The following ILRUN variants were observed in gnomAD, a reference collection of about 807,000 sequenced individuals.
ILRUN encodes the protein protein ILRUN.
A neutral mutation model predicts 33.8 loss-of-function variants in ILRUN; 3 were observed. That is an observed-to-expected ratio of 0.09 (90% CI 0.04 to 0.23). The LOEUF (loss-of-function observed/expected upper bound fraction) is 0.23, where lower values mean the gene tolerates loss of function less well. Among genes scored for constraint, ILRUN ranks in the 10% least tolerant of loss-of-function variants. The pLI, the probability that ILRUN is intolerant of heterozygous loss-of-function variation, is 1.00. For missense variants in ILRUN, 210 were observed against 375.1 expected (o/e 0.56, Z 3.64); for synonymous variants, 124 against 138.9 (o/e 0.89, Z 0.75).
At chr6:34,659,018 A>G (rs984878158) in intron 1 of ILRUN, among the ~76,000 whole-genome samples, 2 of 152,258 alleles carry the variant, frequency 1.3e-5, no homozygotes, top group Non-Finnish European at 2.9e-5. Context: ...ATATTTAATG[A>G]ACGAGCATTT....
chr6:34,659,125 C>T (rs934657314), intron 1 of ILRUN, among the ~76,000 whole-genome samples: 3 of 152,172 alleles, frequency 2.0e-5, no homozygotes, highest in Admixed American at 2.0e-4. Context: ...CTATAGCTAA[C>T]CAGGGACATT....
chr6:34,668,833 C>T (rs1332173578), intron 1 of ILRUN, among the ~76,000 whole-genome samples: 2 of 150,116 alleles, frequency 1.3e-5, no homozygotes, highest in East Asian at 2.0e-4. Context: ...AAAATTAATG[C>T]CTGGCTAATT....
intron 1 of ILRUN, among the ~76,000 whole-genome samples, chr6:34,658,968 C>T (rs772373649): frequency 6.6e-6 from 1 of 152,186 alleles, no homozygotes; most frequent in Non-Finnish European, 1.5e-5. Context: ...GCAGAGGCAA[C>T]GTATGCAAAT....
At chr6:34,645,968 A>G (rs1762555374) in intron 3 of ILRUN, among the ~76,000 whole-genome samples, 1 of 152,228 alleles carries the variant, frequency 6.6e-6, no homozygotes, top group Non-Finnish European at 1.5e-5. Flanking sequence ...TACCTATTTC[A>G]AAAAACTTGT....
At chr6:34,650,081 CAG>C (rs1229689515) in intron 2 of ILRUN, among the ~76,000 whole-genome samples, 1 of 147,018 alleles carries the variant, frequency 6.8e-6, no homozygotes, top group Non-Finnish European at 1.5e-5. Flanking sequence ...TCACCAAAGT[CAG>C]AGAAACACTA....
In ILRUN at chr6:34,606,808, T is replaced by C. The variant is rs1761643827; in HGVS notation, c.608A>G (p.His203Arg). Residue 203 changes from histidine to arginine, a missense_variant, in exon 4 of 5, where the codon CAT (histidine) becomes CGT (arginine). His to Arg is a conservative substitution (Grantham distance 29). Transcript: ENST00000374023. ...GTTGAAGTTTCCTTCTACCTTACGA[T>C]GCGGCTGTGTGTTGAACTCCGTTTC... The part of the protein sequence containing the change: ...SFETEFNTQP[H>R]RKVEGNFNPF... 8 of 1,614,066 alleles carry C rather than the reference T, an allele frequency of 5.0e-6. No homozygotes were observed. The highest frequency in any genetic ancestry group is 2.7e-5 in the African/African-American group (2 of 74,924).
At chr6:34,602,730 A>T (rs980079527) in intron 4 of ILRUN, among the ~76,000 whole-genome samples, 17 of 152,226 alleles carry the variant, frequency 1.1e-4, no homozygotes, top group African/African-American at 3.9e-4. Flanking sequence ...AAAAGCAGGG[A>T]GCCAGATTTA....
chr6:34,630,589 G>A (rs1308979691), intron 3 of ILRUN, among the ~76,000 whole-genome samples: 1 of 152,086 alleles, frequency 6.6e-6, no homozygotes, highest in East Asian at 1.9e-4. Flanking sequence ...GCACCATGTT[G>A]GCCAGGATGG....
At chr6:34,681,864 T>C (rs1763364390) in intron 1 of ILRUN, among the ~76,000 whole-genome samples, 1 of 116,308 alleles carries the variant, frequency 8.6e-6, no homozygotes, top group Non-Finnish European at 1.7e-5. Flanking sequence ...TTTTTTTTTT[T>C]TTTTTTGAGA....
intron 1 of ILRUN, among the ~76,000 whole-genome samples, chr6:34,683,409 T>C (rs1048252771): frequency 1.0e-5 from 1 of 99,658 alleles, no homozygotes; most frequent in Non-Finnish European, 1.7e-5. Context: ...CATATATACA[T>C]ATATATATAC....
At chr6:34,602,874 C>T (rs547903072) in intron 4 of ILRUN, among the ~76,000 whole-genome samples, 42 of 152,306 alleles carry the variant, frequency 2.8e-4, no homozygotes, top group Middle Eastern at 6.8e-3. Flanking sequence ...GCACTGAGTT[C>T]AGGGAGCTTA....
intron 1 of ILRUN, among the ~76,000 whole-genome samples, chr6:34,663,515 A>G (rs1762933448): frequency 6.6e-6 from 1 of 152,196 alleles, no homozygotes; most frequent in African/African-American, 2.4e-5. Flanking sequence ...TTAAACTTAA[A>G]AAAAAGAGAG....
chr6:34,655,000 C>A (rs1762741202), intron 1 of ILRUN, among the ~76,000 whole-genome samples: 1 of 152,116 alleles, frequency 6.6e-6, no homozygotes, highest in Non-Finnish European at 1.5e-5. Context: ...AAGTAACAAA[C>A]ATTAGTACCA....
intron 4 of ILRUN, among the ~76,000 whole-genome samples, chr6:34,598,028 T>G (rs1449097985): frequency 6.6e-6 from 1 of 152,240 alleles, no homozygotes; most frequent in Non-Finnish European, 1.5e-5. Flanking sequence ...TCATCTTTAC[T>G]GGCTCTTATT....
intron 4 of ILRUN, among the ~76,000 whole-genome samples, chr6:34,596,339 C>A (rs558854202): frequency 6.6e-6 from 1 of 152,280 alleles, no homozygotes; most frequent in South Asian, 2.1e-4. Flanking sequence ...CTCATTGCAA[C>A]CTCCACCTCC....
intron 4 of ILRUN, among the ~76,000 whole-genome samples, chr6:34,598,445 T>C (rs183956163): frequency 6.6e-6 from 1 of 152,342 alleles, no homozygotes; most frequent in African/African-American, 2.4e-5. Context: ...TTATACTTTA[T>C]CTGTTTGAAC....
At position 34,682,263 on chromosome 6, in the gene ILRUN, T is replaced by G. The variant is rs9469845; in HGVS notation, c.158+14183A>C. 5.6e-5 allele frequency among the ~76,000 whole-genome samples: 7 copies of G among 124,992 alleles called. No individual in the cohort carries two copies. The East Asian group carries it at 8.5e-4, about 15-fold the overall frequency. The allele number at this position is 124,992 out of a possible 152,430, so 82.0% of individuals were successfully genotyped here. A position where few individuals can be genotyped will look rare whatever the true frequency, so the allele number is the denominator to read the frequency against. On this transcript the variant is annotated intron_variant, in intron 1 of 4. Coordinates refer to ENST00000374023, the MANE Select transcript of ILRUN (RefSeq NM_024294.4). ...CCCTGCAACCTCTGTTTTTTTTTTT[T>G]TTTTTTTTTTTTTTGAGACAGTCTC... is the stretch of plus-strand genomic sequence containing the variant.
At chr6:34,618,613 C>G (rs1761946950) in intron 3 of ILRUN, among the ~76,000 whole-genome samples, 1 of 152,224 alleles carries the variant, frequency 6.6e-6, no homozygotes, top group Admixed American at 6.5e-5. Context: ...AGTGCCTTCA[C>G]TCACTGCATC....
At chr6:34,596,748 C>A (rs138387011) in intron 4 of ILRUN, among the ~76,000 whole-genome samples, 1 of 152,306 alleles carries the variant, frequency 6.6e-6, no homozygotes, top group South Asian at 2.1e-4. Flanking sequence ...GATGACAGGG[C>A]AAGCTCAGTT....
Sources: gnomAD v4.1 joint callset for allele counts (sites outside exome capture counted in the v4.1 genomes callset) on GRCh38, gnomAD v4.1.1 for gene constraint, MANE v1.5 for transcripts, NCBI Gene and HGNC (gene_info 2026-07-23, HGNC 2026-07-21) for gene names.